PLXDC2: variants seen among roughly 807,000 people sequenced by gnomAD.
PLXDC2 encodes the protein plexin domain containing 2.
In PLXDC2, 40 loss-of-function variants were observed where a neutral mutation model predicts 68.9. That is an observed-to-expected ratio of 0.58 (90% confidence interval 0.45 to 0.76). PLXDC2 has a LOEUF of 0.76. Among genes scored for constraint, PLXDC2 ranks in the 30% least tolerant of loss-of-function variants. The pLI is 0.00. For missense variants in PLXDC2, 644 were observed against 661.9 expected (o/e 0.97, Z 0.30); for synonymous variants, 243 against 234.2 (o/e 1.04, Z -0.34).
chr10:19,888,029 C>A lies in PLXDC2; in HGVS notation c.112+70838C>A, dbSNP rs1185636388. 3.3e-5 allele frequency among the ~76,000 whole-genome samples: 5 copies of A among 152,148 alleles called. No homozygotes were observed. The East Asian group carries it at 9.6e-4, about 29-fold the overall frequency. ...CTGTGTGGTCTTGTGGAGGAACACG[C>A]CTATCACTCCACTTCTGACATGCAA... On this transcript the variant is annotated intron_variant, in intron 1 of 13. Transcript: ENST00000377252.
intron 1 of PLXDC2, among the ~76,000 whole-genome samples, chr10:19,830,551 G>C (rs1836668984): frequency 6.6e-6 from 1 of 151,932 alleles, no homozygotes; most frequent in African/African-American, 2.4e-5. Context: ...CCCATCCTTT[G>C]GTAACAGCAC....
intron 1 of PLXDC2, among the ~76,000 whole-genome samples, chr10:19,890,206 T>C (rs1231848023): frequency 1.3e-5 from 2 of 152,222 alleles, no homozygotes; most frequent in African/African-American, 4.8e-5. Flanking sequence ...GAACTGCTTT[T>C]TTCATTTTGT....
chr10:19,931,587 G>A (rs1366808399), intron 1 of PLXDC2, among the ~76,000 whole-genome samples: 1 of 152,204 alleles, frequency 6.6e-6, no homozygotes, highest in Non-Finnish European at 1.5e-5. Flanking sequence ...CCGCCCCCTA[G>A]GTTTGGCCTT....
intron 2 of PLXDC2, among the ~76,000 whole-genome samples, chr10:20,021,916 C>G (rs1197835818): frequency 6.6e-6 from 1 of 152,260 alleles, no homozygotes; most frequent in East Asian, 1.9e-4. Context: ...TCAGGCTGGT[C>G]TCGAACTCCT....
chr10:20,150,178 G>A (rs1045458480), intron 6 of PLXDC2, among the ~76,000 whole-genome samples: 3 of 152,102 alleles, frequency 2.0e-5, no homozygotes, highest in Non-Finnish European at 4.4e-5. Context: ...GATGTATAAT[G>A]TCATGCATCC....
At chr10:20,016,834 T>C (rs1835220909) in intron 2 of PLXDC2, among the ~76,000 whole-genome samples, 1 of 152,192 alleles carries the variant, frequency 6.6e-6, no homozygotes, top group Non-Finnish European at 1.5e-5. Context: ...GCAGTGCTTA[T>C]ATTAGCAGCC....
At chr10:20,220,403 C>G (rs780524183) in intron 12 of PLXDC2, among the ~76,000 whole-genome samples, 9 of 152,064 alleles carry the variant, frequency 5.9e-5, no homozygotes, top group Non-Finnish European at 1.2e-4. Context: ...AGAGACTTCT[C>G]TTTTACTTGT....
At chr10:19,897,412 T>C (rs536850105) in intron 1 of PLXDC2, among the ~76,000 whole-genome samples, 1 of 152,108 alleles carries the variant, frequency 6.6e-6, no homozygotes, top group East Asian at 1.9e-4. Flanking sequence ...GCTAGTTTTG[T>C]ATTGTTTTTT....
At chr10:20,276,411 G>A (rs1340944197) in intron 13 of PLXDC2, among the ~76,000 whole-genome samples, 6 of 152,176 alleles carry the variant, frequency 3.9e-5, no homozygotes, top group Non-Finnish European at 8.8e-5. Flanking sequence ...TCAATTAGTA[G>A]TACTGAAGCA....
intron 4 of PLXDC2, among the ~76,000 whole-genome samples, chr10:20,126,280 T>C (rs970468266): frequency 1.0e-4 from 15 of 143,860 alleles, no homozygotes; most frequent in South Asian, 2.2e-4. Context: ...CATATATACA[T>C]ATACGTTATA....
At chr10:19,831,039 C>A (rs762481538) in intron 1 of PLXDC2, among the ~76,000 whole-genome samples, 36 of 151,414 alleles carry the variant, frequency 2.4e-4, no homozygotes, top group Non-Finnish European at 4.4e-4. Context: ...TTCTTGGCAC[C>A]TTTCATAGTG....
At chr10:20,092,645 C>T (rs1370266588) in intron 4 of PLXDC2, among the ~76,000 whole-genome samples, 2 of 151,896 alleles carry the variant, frequency 1.3e-5, no homozygotes, top group African/African-American at 4.8e-5. Context: ...GATATTGGGT[C>T]CCAATTCCTT....
chr10:20,021,630 A>G (rs1381628170), intron 2 of PLXDC2, among the ~76,000 whole-genome samples: 1 of 151,984 alleles, frequency 6.6e-6, no homozygotes, highest in Non-Finnish European at 1.5e-5. Context: ...CTCAGATGAC[A>G]CAAACCTCAC....
chr10:20,241,772 G>T (rs2119327497), intron 12 of PLXDC2, among the ~76,000 whole-genome samples: 1 of 152,246 alleles, frequency 6.6e-6, no homozygotes, highest in Middle Eastern at 3.4e-3. Context: ...GCAAGATCCT[G>T]TCTCAAAAAT....
intron 6 of PLXDC2, among the ~76,000 whole-genome samples, chr10:20,149,229 CTTTTTTTTTTT>C (rs71200986): frequency 5.7e-5 from 2 of 34,926 alleles, no homozygotes; most frequent in Non-Finnish European, 9.5e-5. Context: ...TTTTTCTTTT[CTTTTTTTTTTT>C]TTTTTTTTTT....
intron 2 of PLXDC2, among the ~76,000 whole-genome samples, chr10:20,032,023 G>T (rs564805447): frequency 1.3e-5 from 2 of 152,158 alleles, no homozygotes; most frequent in Non-Finnish European, 2.9e-5. Flanking sequence ...GTTTCACCAT[G>T]TTGGCCAGGC....
intron 12 of PLXDC2, among the ~76,000 whole-genome samples, chr10:20,237,519 A>G (rs924325924): frequency 2.6e-5 from 4 of 152,204 alleles, no homozygotes; most frequent in Non-Finnish European, 5.9e-5. Context: ...AATGAGACTG[A>G]TCAGTTGCAA....
intron 1 of PLXDC2, among the ~76,000 whole-genome samples, chr10:19,844,570 G>A (rs532695845): frequency 1.4e-4 from 21 of 151,064 alleles, no homozygotes; most frequent in South Asian, 1.1e-3. Flanking sequence ...TCTTTCCTCC[G>A]TTTATTTTTA....
chr10:19,842,666 A>C (rs1289045874), intron 1 of PLXDC2, among the ~76,000 whole-genome samples: 2 of 152,330 alleles, frequency 1.3e-5, no homozygotes, highest in South Asian at 2.1e-4. Flanking sequence ...GCCAGTAAGA[A>C]GCTTTTATCT....
Sources: allele counts gnomAD v4.1 joint callset (sites outside exome capture counted in the v4.1 genomes callset), GRCh38; gene constraint gnomAD v4.1.1; transcripts MANE v1.5; gene names NCBI Gene and HGNC (gene_info 2026-07-23, HGNC 2026-07-21).